Variants in AKR1C8 observed in about 807,000 individuals in gnomAD.
The protein encoded by AKR1C8 is aldo-keto reductase family 1 member C8.
At chr10:5,166,952 A>ACAAC in the AKR1C8 span, among the ~76,000 whole-genome samples, 25 of 150,034 alleles carry the variant, frequency 1.7e-4, no homozygotes, top group Middle Eastern at 3.4e-3. Flanking sequence ...GAAAAAAAAA[A>ACAAC]CCCATCAAAA....
At chr10:5,177,634 T>C in the AKR1C8 span, among the ~76,000 whole-genome samples, 1 of 152,220 alleles carries the variant, frequency 6.6e-6, no homozygotes, top group South Asian at 2.1e-4. Flanking sequence ...TAGTAAGCTA[T>C]TGATTATTGC....
At chr10:5,183,628 A>T in the AKR1C8 span, among the ~76,000 whole-genome samples, 1 of 152,188 alleles carries the variant, frequency 6.6e-6, no homozygotes, top group Non-Finnish European at 1.5e-5. Flanking sequence ...ACAAAAAAAT[A>T]GCCAGAAAAG....
the AKR1C8 span, among the ~76,000 whole-genome samples, chr10:5,133,693 G>A: frequency 6.6e-6 from 1 of 152,250 alleles, no homozygotes; most frequent in Non-Finnish European, 1.5e-5. Flanking sequence ...CCCACACTTT[G>A]TACAAGCAGT....
chr10:5,132,553 A>G, the AKR1C8 span: 1 of 1,400,068 alleles, frequency 7.1e-7, no homozygotes, highest in South Asian at 1.7e-5. Flanking sequence ...TCATCTCCAC[A>G]CTATCACATT....
the AKR1C8 span, among the ~76,000 whole-genome samples, chr10:5,134,550 G>T: frequency 6.6e-6 from 1 of 152,104 alleles, no homozygotes; most frequent in African/African-American, 2.4e-5. Context: ...TCTCCTTCGA[G>T]GTTCTAGTTT....
the AKR1C8 span, among the ~76,000 whole-genome samples, chr10:5,127,122 A>G: frequency 6.6e-6 from 1 of 152,098 alleles, no homozygotes; most frequent in Admixed American, 6.6e-5. Flanking sequence ...AAACTAAGAT[A>G]AAATATTTAA....
chr10:5,135,431 A>T, the AKR1C8 span, among the ~76,000 whole-genome samples: 1 of 152,204 alleles, frequency 6.6e-6, no homozygotes, highest in African/African-American at 2.4e-5. Flanking sequence ...TTTTTATCAA[A>T]GAGAATTCTT....
At chr10:5,150,261 T>C in the AKR1C8 span, among the ~76,000 whole-genome samples, 1 of 152,130 alleles carries the variant, frequency 6.6e-6, no homozygotes, top group Non-Finnish European at 1.5e-5. Flanking sequence ...TGATTATAAG[T>C]TGCTTTTTGA....
the AKR1C8 span, among the ~76,000 whole-genome samples, chr10:5,169,261 G>T: frequency 2.6e-5 from 4 of 152,168 alleles, no homozygotes; most frequent in African/African-American, 9.7e-5. Context: ...CGAGATGATG[G>T]TGCTCCTGTT....
At chr10:5,180,979 G>T in the AKR1C8 span, among the ~76,000 whole-genome samples, 1 of 152,316 alleles carries the variant, frequency 6.6e-6, no homozygotes, top group East Asian at 1.9e-4. Flanking sequence ...CTCATGCACA[G>T]TGCACTGCAC....
the AKR1C8 span, chr10:5,123,793 T>C: frequency 6.2e-7 from 1 of 1,613,314 alleles, no homozygotes; most frequent in Non-Finnish European, 8.5e-7. Flanking sequence ...AGCAGTTTGC[T>C]CTGGTTGAGG....
At chr10:5,165,847 C>A in the AKR1C8 span, among the ~76,000 whole-genome samples, 2 of 152,012 alleles carry the variant, frequency 1.3e-5, no homozygotes, top group Admixed American at 1.3e-4. Flanking sequence ...TCCAGGGAGG[C>A]TTATGATCTA....
chr10:5,179,400 C>T, the AKR1C8 span, among the ~76,000 whole-genome samples: 1 of 152,126 alleles, frequency 6.6e-6, no homozygotes, highest in Non-Finnish European at 1.5e-5. Flanking sequence ...TTCTCTCTGG[C>T]TGCCCTTAAC....
At chr10:5,157,278 T>C in the AKR1C8 span, among the ~76,000 whole-genome samples, 1 of 152,116 alleles carries the variant, frequency 6.6e-6, no homozygotes, top group African/African-American at 2.4e-5. Context: ...CTAATTTTAT[T>C]TGGGTTTGAT....
At chr10:5,139,950 G>GA in the AKR1C8 span, among the ~76,000 whole-genome samples, 19 of 152,064 alleles carry the variant, frequency 1.2e-4, no homozygotes, top group Admixed American at 5.9e-4. Flanking sequence ...AAATTCACAA[G>GA]AAAAAATCAA....
chr10:5,156,494 T>A, the AKR1C8 span, among the ~76,000 whole-genome samples: 11 of 150,866 alleles, frequency 7.3e-5, no homozygotes, highest in Admixed American at 7.3e-4. Flanking sequence ...TTTCATTATG[T>A]GATCCAGGAC....
At chr10:5,181,932 C>A in the AKR1C8 span, among the ~76,000 whole-genome samples, 2 of 152,036 alleles carry the variant, frequency 1.3e-5, no homozygotes, top group Non-Finnish European at 2.9e-5. Context: ...ACATGCAAGA[C>A]TCACAAAAAA....
At chr10:5,126,141 G>A in the AKR1C8 span, among the ~76,000 whole-genome samples, 6 of 152,040 alleles carry the variant, frequency 3.9e-5, no homozygotes, top group Admixed American at 6.5e-5. Context: ...TGCTCATGAA[G>A]GGTCTTGGAG....
chr10:5,117,206 T>C, the AKR1C8 span, among the ~76,000 whole-genome samples: 1 of 152,060 alleles, frequency 6.6e-6, no homozygotes, highest in African/African-American at 2.4e-5. Flanking sequence ...CCACATTTAA[T>C]TCACCGCTTA....
Sources: gnomAD v4.1 joint callset for allele counts (sites outside exome capture counted in the v4.1 genomes callset) on GRCh38, gnomAD v4.1.1 for gene constraint, MANE v1.5 for transcripts, NCBI Gene and HGNC (gene_info 2026-07-23, HGNC 2026-07-21) for gene names.